The following KCNN2 variants were observed in gnomAD, a reference collection of about 807,000 sequenced individuals.
The protein encoded by KCNN2 is potassium calcium-activated channel subfamily N member 2, also known as small conductance calcium-activated potassium channel protein 2.
Under a neutral mutation model 55.5 loss-of-function variants are expected in KCNN2, and 24 were observed. The ratio of observed to expected loss-of-function variants is 0.43; its 90% CI spans 0.31 to 0.61. The LOEUF is 0.61. Ranked by LOEUF, KCNN2 falls within the 20% of genes least tolerant of loss-of-function variation. The pLI is 0.08. For missense variants in KCNN2, 754 were observed against 853.6 expected (o/e 0.88, Z 1.45); for synonymous variants, 431 against 336.1 (o/e 1.28, Z -3.09).
intron 3 of KCNN2, among the ~76,000 whole-genome samples, chr5:114,434,607 C>T (rs1277061060): frequency 2.0e-5 from 3 of 152,162 alleles, no homozygotes; most frequent in Non-Finnish European, 2.9e-5. Flanking sequence ...TGGTATTATA[C>T]AAGAGCCCTA....
intron 2 of KCNN2, among the ~76,000 whole-genome samples, chr5:114,399,504 A>G (rs1289620968): frequency 6.6e-6 from 1 of 152,018 alleles, no homozygotes; most frequent in Non-Finnish European, 1.5e-5. Flanking sequence ...GGTTGCTAGT[A>G]TTTTGTTGAG....
At chr5:114,350,241 A>G (rs1184617849) in intron 2 of KCNN2, among the ~76,000 whole-genome samples, 1 of 151,936 alleles carries the variant, frequency 6.6e-6, no homozygotes, top group South Asian at 2.1e-4. Context: ...TTTAACATTT[A>G]TTATTTGTTT....
intron 4 of KCNN2, among the ~76,000 whole-genome samples, chr5:114,466,423 A>G (rs1361760342): frequency 1.3e-5 from 2 of 152,076 alleles, no homozygotes; most frequent in Admixed American, 6.6e-5. Flanking sequence ...CAATTTTCCA[A>G]TAAAGTAATT....
intron 2 of KCNN2, among the ~76,000 whole-genome samples, chr5:114,288,875 A>G (rs1384123169): frequency 6.6e-6 from 1 of 152,028 alleles, no homozygotes; most frequent in Non-Finnish European, 1.5e-5. Context: ...GATGAAGTTC[A>G]GCTTATTTTT....
At chr5:114,300,031 T>C (rs868544271) in intron 2 of KCNN2, among the ~76,000 whole-genome samples, 2 of 344 alleles carry the variant, frequency 5.8e-3, no homozygotes, top group Non-Finnish European at 0.026. Context: ...AAAATGGTGT[T>C]TTTTTTTCCA....
At chr5:114,135,636 A>C (rs571444244) in intron 1 of KCNN2, among the ~76,000 whole-genome samples, 1 of 152,336 alleles carries the variant, frequency 6.6e-6, no homozygotes, top group African/African-American at 2.4e-5. Flanking sequence ...ATCCCACAGA[A>C]TTTCCAGTTA....
intron 1 of KCNN2, among the ~76,000 whole-genome samples, chr5:114,158,667 C>T (rs1269587857): frequency 6.6e-6 from 1 of 151,330 alleles, no homozygotes; most frequent in African/African-American, 2.4e-5. Flanking sequence ...TTTGTATCCT[C>T]TTTTATTTCA....
chr5:114,414,035 C>T (rs542669545), intron 3 of KCNN2, among the ~76,000 whole-genome samples: 1 of 152,270 alleles, frequency 6.6e-6, no homozygotes, highest in East Asian at 1.9e-4. Flanking sequence ...GAAATTAATA[C>T]ATTTCTTAGA....
At chr5:114,148,337 C>T (rs979624085) in intron 1 of KCNN2, among the ~76,000 whole-genome samples, 1 of 152,124 alleles carries the variant, frequency 6.6e-6, no homozygotes. Context: ...ATTTTCCTGA[C>T]TTTTTTTGTG....
chr5:114,075,598 G>A (rs1255622681), intron 1 of KCNN2, among the ~76,000 whole-genome samples: 2 of 152,084 alleles, frequency 1.3e-5, no homozygotes, highest in African/African-American at 4.8e-5. Flanking sequence ...TTGTAAAGTT[G>A]GCCACAAATC....
At chr5:114,431,422 T>A (rs1759789745) in intron 3 of KCNN2, among the ~76,000 whole-genome samples, 1 of 152,098 alleles carries the variant, frequency 6.6e-6, no homozygotes, top group Non-Finnish European at 1.5e-5. Flanking sequence ...CCTTATGGAA[T>A]CAGCAGTGAT....
chr5:114,226,643 C>G (rs1754242330), intron 2 of KCNN2, among the ~76,000 whole-genome samples: 1 of 152,108 alleles, frequency 6.6e-6, no homozygotes, highest in African/African-American at 2.4e-5. Flanking sequence ...TAGCTCATGC[C>G]TGTAATCCCA....
chr5:114,426,805 G>GTA (rs1266288628), intron 3 of KCNN2, among the ~76,000 whole-genome samples: 2 of 152,144 alleles, frequency 1.3e-5, no homozygotes, highest in African/African-American at 4.8e-5. Flanking sequence ...ACTGCTCATA[G>GTA]TATATTATGT....
intron 2 of KCNN2, among the ~76,000 whole-genome samples, chr5:114,304,892 G>C (rs746857992): frequency 6.6e-6 from 1 of 152,166 alleles, no homozygotes; most frequent in Non-Finnish European, 1.5e-5. Context: ...TAAGGGTTTT[G>C]AGTTGCAACA....
intron 2 of KCNN2, among the ~76,000 whole-genome samples, chr5:114,265,324 GGTGTGTGTGT>G (rs60111802): frequency 0.045 from 6,652 of 149,194 alleles, 489 homozygotes; most frequent in African/African-American, 0.15. Flanking sequence ...ATCAAGAGGA[GGTGTGTGTGT>G]GTGTGTGTGT....
chr5:114,469,444 G>GT (rs1466016718), intron 4 of KCNN2, among the ~76,000 whole-genome samples: 1 of 152,126 alleles, frequency 6.6e-6, no homozygotes, highest in Non-Finnish European at 1.5e-5. Context: ...TTTTGCTTAA[G>GT]TTTTTTCTAA....
At chr5:114,234,022 C>T (rs1167030287) in intron 2 of KCNN2, among the ~76,000 whole-genome samples, 5 of 149,338 alleles carry the variant, frequency 3.3e-5, no homozygotes, top group Non-Finnish European at 7.4e-5. Flanking sequence ...TAACTTGGCT[C>T]TAGCTTTTTT....
At chr5:114,453,759 C>T (rs1320729665) in intron 3 of KCNN2, among the ~76,000 whole-genome samples, 1 of 152,074 alleles carries the variant, frequency 6.6e-6, no homozygotes, top group Non-Finnish European at 1.5e-5. Context: ...ACTTTTTCAT[C>T]ATAAGTTGGT....
intron 1 of KCNN2, among the ~76,000 whole-genome samples, chr5:114,113,879 A>G (rs1367229541): frequency 6.6e-6 from 1 of 152,090 alleles, no homozygotes; most frequent in Non-Finnish European, 1.5e-5. Context: ...AGTCAGGTAA[A>G]GGAAGTCCTG....
Sources: allele counts gnomAD v4.1 joint callset (sites outside exome capture counted in the v4.1 genomes callset), GRCh38; gene constraint gnomAD v4.1.1; transcripts MANE v1.5; gene names NCBI Gene and HGNC (gene_info 2026-07-23, HGNC 2026-07-21).